The following THRB variants were observed in gnomAD, a reference collection of about 807,000 sequenced individuals.
THRB encodes nuclear receptor subfamily 1 group A member 2.
THRB carries 12 observed loss-of-function variants against 47.8 expected under a neutral mutation model. The ratio of observed to expected loss-of-function variants is 0.25; its 90% CI spans 0.16 to 0.41. The LOEUF is 0.41. Ranked by LOEUF, THRB falls within the 10% of genes least tolerant of loss-of-function variation. The probability of loss-of-function intolerance (pLI) is 1.00; values close to 1 mark genes in which losing one functional copy is unlikely to be tolerated. For missense variants in THRB, 348 were observed against 589.2 expected, an observed-to-expected ratio of 0.59 and a Z score of 4.24; for synonymous variants, 218 against 212.2, an observed-to-expected ratio of 1.03 and a Z score of -0.24.
intron 2 of THRB, among the ~76,000 whole-genome samples, chr3:24,317,688 T>C (rs1289040181): frequency 6.6e-6 from 1 of 152,194 alleles, no homozygotes; most frequent in African/African-American, 2.4e-5. Context: ...TAGACTACCA[T>C]ATATGGGAAA....
chr3:24,284,666 T>C (rs993354288), intron 3 of THRB, among the ~76,000 whole-genome samples: 3 of 148,950 alleles, frequency 2.0e-5, no homozygotes, highest in African/African-American at 7.8e-5. Flanking sequence ...GGGAGAAAAT[T>C]TTTGCAACCT....
At chr3:24,189,560 AAT>A (rs2043070411) in intron 5 of THRB, among the ~76,000 whole-genome samples, 1 of 152,150 alleles carries the variant, frequency 6.6e-6, no homozygotes, top group South Asian at 2.1e-4. Context: ...CTAACACCAT[AAT>A]CTCTCCTTTC....
intron 3 of THRB, among the ~76,000 whole-genome samples, chr3:24,278,283 G>T (rs754422085): frequency 1.3e-5 from 2 of 152,072 alleles, no homozygotes; most frequent in Admixed American, 1.3e-4. Context: ...GGCAGAAGCA[G>T]GCATAAAGTA....
At chr3:24,274,808 T>A (rs989319349) in intron 3 of THRB, among the ~76,000 whole-genome samples, 23 of 152,172 alleles carry the variant, frequency 1.5e-4, no homozygotes, top group African/African-American at 5.3e-4. Flanking sequence ...ATAGAAAATT[T>A]TACTTCCAGC....
At chr3:24,367,578 G>C (rs2064568267) in intron 1 of THRB, among the ~76,000 whole-genome samples, 1 of 152,146 alleles carries the variant, frequency 6.6e-6, no homozygotes, top group African/African-American at 2.4e-5. Context: ...AGAACTGATA[G>C]TAGAAAAGTT....
At position 24,285,080 on chromosome 3, in the gene THRB, G is replaced by A. The variant is rs1209941851; in HGVS notation, c.-43+12146C>T. ...CATTTGACCCAGCCATCCCATTACT[G>A]GGTATATACCCAAAGGACTATAAAT... On this transcript the variant is annotated intron_variant, in intron 3 of 10. Transcript: ENST00000646209. Among the ~76,000 whole-genome samples the A allele has an allele frequency of 2.0e-5, 3 of 151,870 alleles. No homozygotes were observed. In the East Asian group the frequency reaches 5.8e-4, roughly 29 times the overall value.
At chr3:24,339,105 A>G (rs1192253039) in intron 1 of THRB, among the ~76,000 whole-genome samples, 1 of 152,194 alleles carries the variant, frequency 6.6e-6, no homozygotes, top group African/African-American at 2.4e-5. Context: ...TACCCCTGAC[A>G]TTAATATATA....
chr3:24,215,895 G>C (rs1161011189), intron 4 of THRB, among the ~76,000 whole-genome samples: 1 of 152,186 alleles, frequency 6.6e-6, no homozygotes, highest in Non-Finnish European at 1.5e-5. Flanking sequence ...ATGTAAGAAG[G>C]AAAGAACCTG....
chr3:24,356,588 C>T (rs780074314), intron 1 of THRB, among the ~76,000 whole-genome samples: 6 of 152,128 alleles, frequency 3.9e-5, no homozygotes, highest in Non-Finnish European at 8.8e-5. Flanking sequence ...TAAGACCCCA[C>T]TAGAACTGCC....
At chr3:24,233,784 T>C (rs9310734) in intron 3 of THRB, among the ~76,000 whole-genome samples, 7,904 of 152,192 alleles carry the variant, frequency 0.052, 557 homozygotes, top group East Asian at 0.3. Flanking sequence ...TCTTCAAATA[T>C]CTGAAAAGCT....
chr3:24,277,214 G>A (rs1347756707), intron 3 of THRB, among the ~76,000 whole-genome samples: 1 of 152,138 alleles, frequency 6.6e-6, no homozygotes, highest in Non-Finnish European at 1.5e-5. Flanking sequence ...GGTTCATCTG[G>A]CAATGTCTGG....
chr3:24,367,122 G>A (rs148164558), intron 1 of THRB, among the ~76,000 whole-genome samples: 33 of 152,262 alleles, frequency 2.2e-4, no homozygotes, highest in African/African-American at 7.7e-4. Context: ...GTATACAAAT[G>A]GTCAGAGTTA....
chr3:24,483,359 T>C (rs1696763418), intron 1 of THRB, among the ~76,000 whole-genome samples: 1 of 152,170 alleles, frequency 6.6e-6, no homozygotes, highest in Non-Finnish European at 1.5e-5. Flanking sequence ...CAAGATATTA[T>C]GTAAAGTCAT....
At chr3:24,156,952 T>G (rs1489657114) in intron 5 of THRB, among the ~76,000 whole-genome samples, 1 of 152,204 alleles carries the variant, frequency 6.6e-6, no homozygotes, top group Non-Finnish European at 1.5e-5. Flanking sequence ...TTCTTGGCAT[T>G]AGGTACCAAG....
chr3:24,131,701 C>T (rs1425615094), intron 9 of THRB, among the ~76,000 whole-genome samples: 11 of 152,160 alleles, frequency 7.2e-5, no homozygotes, highest in Admixed American at 7.2e-4. Flanking sequence ...TTGTCCTGTC[C>T]ATCATGAAGG....
intron 2 of THRB, among the ~76,000 whole-genome samples, chr3:24,322,483 G>A (rs904334142): frequency 6.6e-6 from 1 of 152,180 alleles, no homozygotes; most frequent in Non-Finnish European, 1.5e-5. Flanking sequence ...ATCTCTGTCT[G>A]ATGGCCCCTC....
intron 3 of THRB, 127 bp from the exon 4 acceptor site, chr3:24,229,128 G>A: frequency 1.5e-6 from 1 of 649,764 alleles, no homozygotes; most frequent in Non-Finnish European, 2.8e-6. Context: ...ACTCAGAACT[G>A]GGGACACCGA....
chr3:24,287,291 T>TAA (rs2055410727), intron 3 of THRB, among the ~76,000 whole-genome samples: 1 of 152,196 alleles, frequency 6.6e-6, no homozygotes, highest in African/African-American at 2.4e-5. Flanking sequence ...TTCCTAGGGC[T>TAA]ACAAGGACTT....
intron 5 of THRB, among the ~76,000 whole-genome samples, chr3:24,183,658 C>T (rs866356955): frequency 4.0e-5 from 6 of 149,520 alleles, no homozygotes; most frequent in African/African-American, 9.8e-5. Context: ...CAGGTGTGAG[C>T]GACGGCGCCT....
Sources: allele counts gnomAD v4.1 joint callset (sites outside exome capture counted in the v4.1 genomes callset), GRCh38; gene constraint gnomAD v4.1.1; transcripts MANE v1.5; gene names NCBI Gene and HGNC (gene_info 2026-07-23, HGNC 2026-07-21).